Variants in SEPTIN6 observed in about 807,000 individuals in gnomAD.
SEPTIN6 encodes septin 6, also known as septin-6.
In SEPTIN6, 8 loss-of-function variants were observed where a neutral mutation model predicts 33.6. The observed-to-expected ratio is 0.24, with a 90% CI of 0.14 to 0.43. SEPTIN6 has a LOEUF of 0.43. Ranked by LOEUF, SEPTIN6 falls within the 20% of genes least tolerant of loss-of-function variation. The pLI is 1.00. For missense variants in SEPTIN6, 250 were observed against 340.8 expected (o/e 0.73, Z 2.10); for synonymous variants, 131 against 140.0 (o/e 0.94, Z 0.45).
At chrX:119,620,958 C>T (rs1161212277) in intron 10 of SEPTIN6, among the ~76,000 whole-genome samples, 2 of 85,208 alleles carry the variant, frequency 2.3e-5, no homozygotes, top group Non-Finnish European at 4.5e-5. Context: ...ACTAGTGTCC[C>T]CCACCACCCA....
rs1329538429 is a variant in SEPTIN6, at chrX:119,634,368, CAAAA to C, written c.957-880_957-877del. ...TGTGTGACAGAGTGAGACTCCATCT[CAAAA>C]AAAAAAAAAAAAAAGCAATAGCCTG... On this transcript the variant is annotated intron_variant, in intron 7 of 10. Coordinates refer to ENST00000394610, the MANE Select transcript of SEPTIN6 (RefSeq NM_145799.4). Among the ~76,000 whole-genome samples the C allele has an allele frequency of 1.2e-4, 4 of 33,527 alleles. No homozygotes were observed. The East Asian group carries it at 4.1e-3, about 34-fold the overall frequency. The allele number at this position is 33,527 out of a possible 115,157, so 29.1% of individuals were successfully genotyped here.
At position 119,691,307 on chromosome X, in the gene SEPTIN6, A is replaced by T. The variant is rs370588500; in HGVS notation, c.30+1769T>A. 3.6e-5 allele frequency among the ~76,000 whole-genome samples: 4 copies of T among 112,139 alleles called. No homozygotes were observed. In the East Asian group the frequency reaches 1.1e-3, roughly 31 times the overall value. On this transcript the variant is annotated intron_variant, in intron 1 of 10. Coordinates refer to ENST00000394610, the MANE Select transcript of SEPTIN6 (RefSeq NM_145799.4). ...TGGTGAGAGTATGGAGGACAGGTCG[A>T]TGCAAATTCATTAGCTGACATGAAA...
chrX:119,652,759 AG>A (rs1362965790), intron 4 of SEPTIN6, 94 bp downstream of exon 4: 15 of 685,143 alleles, frequency 2.2e-5, no homozygotes, highest in Non-Finnish European at 3.1e-5. Flanking sequence ...GGAGAGGATG[AG>A]GATGCCACAA....
intron 1 of SEPTIN6, among the ~76,000 whole-genome samples, chrX:119,690,200 T>C (rs1007129481): frequency 9.0e-6 from 1 of 111,557 alleles, no homozygotes. Flanking sequence ...ACTTGTATTA[T>C]GTGCACCAGA....
chrX:119,643,581 G>A (rs866785155), intron 5 of SEPTIN6, among the ~76,000 whole-genome samples: 20 of 111,125 alleles, frequency 1.8e-4, no homozygotes, highest in African/African-American at 5.9e-4. Flanking sequence ...CCCACAGCAC[G>A]CTCCTTTGCA....
At chrX:119,628,540 C>T (rs1466766689) in intron 9 of SEPTIN6, among the ~76,000 whole-genome samples, 3 of 99,259 alleles carry the variant, frequency 3.0e-5, no homozygotes, top group African/African-American at 1.1e-4. Flanking sequence ...GAGTCTCGCT[C>T]TGTCGCCCAG....
intron 7 of SEPTIN6, among the ~76,000 whole-genome samples, chrX:119,635,611 G>A (rs927873591): frequency 1.3e-4 from 14 of 111,503 alleles, no homozygotes; most frequent in African/African-American, 3.6e-4. Flanking sequence ...AAAGTGCTGC[G>A]TTGATATCAA....
chrX:119,686,779 TAAA>T (rs2055064156), intron 1 of SEPTIN6: 1 of 280,660 alleles, frequency 3.6e-6, no homozygotes, highest in Non-Finnish European at 6.4e-6. Flanking sequence ...GAAGAAAAAA[TAAA>T]AAAGAAAACC....
chrX:119,645,105 G>C (rs974471576), intron 5 of SEPTIN6, among the ~76,000 whole-genome samples: 32 of 107,432 alleles, frequency 3.0e-4, no homozygotes, highest in Non-Finnish European at 5.4e-4. Flanking sequence ...ACAGGATGTC[G>C]CCATGTTGGC....
At position 119,658,751 on chromosome X, in the gene SEPTIN6, T is replaced by C. The variant is rs766984759; in HGVS notation, c.341+4731A>G. On this transcript the variant is annotated intron_variant, in intron 3 of 10. Transcript: ENST00000394610. ...AAAAAATATTTGTTTCATTTTGCATTTCTTTAATTACTGGGGAAGTTGAAT... is the reference window on the plus strand; with the variant it reads ...AAAAAATATTTGTTTCATTTTGCATCTCTTTAATTACTGGGGAAGTTGAAT... 2.5e-4 allele frequency among the ~76,000 whole-genome samples: 28 copies of C among 112,609 alleles called. 1 individual carries two copies. Among genetic ancestry groups the C allele is most frequent in the Admixed American group, 1.9e-4 (2 of 10,570 alleles).
At position 119,618,973 on chromosome X, in the gene SEPTIN6, G is replaced by A; in HGVS notation, c.*1120C>T. 1.0e-6 allele frequency: 1 copy of A among 972,143 alleles called. No individual in the cohort carries two copies. Among genetic ancestry groups the A allele is most frequent in the Admixed American group, 5.4e-5 (1 of 18,546 alleles). The allele number at this position is 972,143 out of a possible 1,213,427, so 80.1% of individuals were successfully genotyped here. ...GATGGGACCCATGATAAAAACTTAGGGCTGGAATATTTTTAAACTCTCAAC... is the reference window on the plus strand; with the variant it reads ...GATGGGACCCATGATAAAAACTTAGAGCTGGAATATTTTTAAACTCTCAAC... On this transcript the variant is annotated 3_prime_UTR_variant, in exon 11 of 11. Transcript: ENST00000394610.
intron 2 of SEPTIN6, among the ~76,000 whole-genome samples, chrX:119,669,240 C>T (rs1336537130): frequency 2.7e-5 from 3 of 113,195 alleles, no homozygotes; most frequent in African/African-American, 6.4e-5. Flanking sequence ...AGGCGTGATA[C>T]GTTTGTTCAT....
intron 1 of SEPTIN6, among the ~76,000 whole-genome samples, chrX:119,676,185 G>A (rs141743739): frequency 0.019 from 2,154 of 112,256 alleles, 31 homozygotes; most frequent in Admixed American, 0.028. Flanking sequence ...TATTGGGCCG[G>A]GTTCAGTGGC....
At chrX:119,622,934 C>A (rs1214257517) in intron 10 of SEPTIN6, among the ~76,000 whole-genome samples, 1 of 112,290 alleles carries the variant, frequency 8.9e-6, no homozygotes, top group Non-Finnish European at 1.9e-5. Context: ...GCAGGGGCTC[C>A]AAGACTTGCT....
chrX:119,665,528 G>A lies in SEPTIN6; in HGVS notation c.146-1851C>T, dbSNP rs1012636619. On this transcript the variant is annotated intron_variant, in intron 2 of 10. Transcript: ENST00000394610. ...CTTCACACTAGGGAAACCAGTAGGG[G>A]AAAGGCTGTGGCAGACTGGTGAAGG... 6.2e-5 allele frequency among the ~76,000 whole-genome samples: 7 copies of A among 112,211 alleles called. No individual in the cohort carries two copies. The East Asian group carries it at 1.4e-3, about 22-fold the overall frequency.
At chrX:119,679,483 T>C (rs2054909530) in intron 1 of SEPTIN6, among the ~76,000 whole-genome samples, 1 of 111,562 alleles carries the variant, frequency 9.0e-6, no homozygotes, top group Admixed American at 9.6e-5. Flanking sequence ...ATCCAGGCAC[T>C]GTGACAATAA....
chrX:119,635,658 A>G (rs1467701580), intron 7 of SEPTIN6, among the ~76,000 whole-genome samples: 2 of 111,729 alleles, frequency 1.8e-5, no homozygotes, highest in Admixed American at 1.9e-4. Flanking sequence ...GAACTTGGCC[A>G]CAAGTCTGCG....
chrX:119,663,332 G>T, intron 3 of SEPTIN6, 150 bp downstream of exon 3: 1 of 469,153 alleles, frequency 2.1e-6, no homozygotes, highest in Non-Finnish European at 3.6e-6. Flanking sequence ...CAGGGCCTAT[G>T]CTTGGGAGGT....
chrX:119,670,752 A>G (rs1416463970), intron 2 of SEPTIN6, among the ~76,000 whole-genome samples: 1 of 108,681 alleles, frequency 9.2e-6, no homozygotes, highest in Non-Finnish European at 1.9e-5. Flanking sequence ...CAGCCTGACC[A>G]ACATGGAGAA....
Sources: gnomAD v4.1 joint callset for allele counts (sites outside exome capture counted in the v4.1 genomes callset) on GRCh38, gnomAD v4.1.1 for gene constraint, MANE v1.5 for transcripts, NCBI Gene and HGNC (gene_info 2026-07-23, HGNC 2026-07-21) for gene names.